The following SLC25A31 variants were observed in gnomAD, a reference collection of about 807,000 sequenced individuals.
SLC25A31 encodes the protein ADP/ATP translocase 4.
A neutral mutation model predicts 36.2 loss-of-function variants in SLC25A31; 40 were observed. The ratio of observed to expected loss-of-function variants is 1.10; its 90% CI spans 0.86 to 1.44. The LOEUF is 1.44. Ranked by LOEUF, SLC25A31 falls within the 40% of genes most tolerant of loss-of-function variation. SLC25A31 has a pLI of 0.00. For missense variants in SLC25A31, 350 were observed against 397.1 expected (o/e 0.88, Z 1.01); for synonymous variants, 143 against 149.7 (o/e 0.96, Z 0.32).
chr4:127,759,012 G>T (rs1053876272), intron 2 of SLC25A31, among the ~76,000 whole-genome samples: 1 of 152,136 alleles, frequency 6.6e-6, no homozygotes, highest in Non-Finnish European at 1.5e-5. Context: ...TTTGACAACT[G>T]ATGTTGGTAA....
chr4:127,754,231 A>G (rs776493561), intron 2 of SLC25A31, among the ~76,000 whole-genome samples: 93 of 152,240 alleles, frequency 6.1e-4, no homozygotes, highest in Middle Eastern at 6.8e-3. Context: ...TTTCTCTAAG[A>G]TCACAAACCA....
intron 4 of SLC25A31, among the ~76,000 whole-genome samples, chr4:127,768,218 G>A (rs1188217640): frequency 6.6e-6 from 1 of 151,848 alleles, no homozygotes; most frequent in Non-Finnish European, 1.5e-5. Context: ...TTGTTGTCTG[G>A]ACAGATCAGT....
chr4:127,743,391 T>G (rs1183935754), intron 1 of SLC25A31, among the ~76,000 whole-genome samples: 2 of 152,172 alleles, frequency 1.3e-5, no homozygotes, highest in African/African-American at 4.8e-5. Flanking sequence ...CCAATTTGGC[T>G]TCCCAAAGTG....
At chr4:127,732,837 T>C (rs962610294) in intron 1 of SLC25A31, among the ~76,000 whole-genome samples, 1 of 152,166 alleles carries the variant, frequency 6.6e-6, no homozygotes, top group Non-Finnish European at 1.5e-5. Flanking sequence ...CTAGAGGCAA[T>C]TTCGGAAACT....
chr4:127,762,290 C>A (rs569225627), intron 2 of SLC25A31, among the ~76,000 whole-genome samples: 1 of 152,102 alleles, frequency 6.6e-6, no homozygotes, highest in South Asian at 2.1e-4. Context: ...CATGGATGAA[C>A]CTTGAAAACA....
chr4:127,758,739 ATTGT>A (rs928904518), intron 2 of SLC25A31, among the ~76,000 whole-genome samples: 5 of 151,800 alleles, frequency 3.3e-5, no homozygotes, highest in African/African-American at 1.2e-4. Flanking sequence ...TCCTTTTCTT[ATTGT>A]TTATTATTGT....
intron 5 of SLC25A31, among the ~76,000 whole-genome samples, chr4:127,769,615 A>G (rs1732312488): frequency 6.6e-6 from 1 of 152,234 alleles, no homozygotes; most frequent in African/African-American, 2.4e-5. Context: ...TGCATGCTTC[A>G]TCTATGCTAA....
chr4:127,769,666 A>T (rs1422220052), intron 5 of SLC25A31, among the ~76,000 whole-genome samples: 1 of 152,214 alleles, frequency 6.6e-6, no homozygotes, highest in Non-Finnish European at 1.5e-5. Flanking sequence ...ACCCAAATTC[A>T]TAGTCTAATA....
intron 2 of SLC25A31, among the ~76,000 whole-genome samples, chr4:127,763,285 A>G (rs1404996555): frequency 6.6e-6 from 1 of 152,190 alleles, no homozygotes; most frequent in African/African-American, 2.4e-5. Context: ...AGCAATAACT[A>G]TTTTTTTGTT....
chr4:127,756,611 T>C (rs113297509), intron 2 of SLC25A31, among the ~76,000 whole-genome samples: 1,778 of 152,290 alleles, frequency 0.012, 44 homozygotes, highest in African/African-American at 0.041. Flanking sequence ...TTTAAGTATG[T>C]GATATATATG....
In SLC25A31 at chr4:127,773,615, A is replaced by C. The variant is rs565828027; in HGVS notation, c.*41A>C. The C allele has an allele frequency of 6.9e-7, 1 of 1,450,730 alleles. No individual in the cohort carries two copies. The highest frequency in any genetic ancestry group is 9.2e-7 in the Non-Finnish European group (1 of 1,087,284). 89.9% of individuals were successfully genotyped at this position (1,450,730 alleles called of 1,614,324 possible). Reference sequence around the variant, plus strand: ...AAGAAATACATGGATTTAACTTGTTAAACATACAAATTACATAGCTGCCAT... The same window carrying C: ...AAGAAATACATGGATTTAACTTGTTCAACATACAAATTACATAGCTGCCAT... On this transcript the variant is annotated 3_prime_UTR_variant, in exon 6 of 6. Transcript: ENST00000281154.
At chr4:127,756,434 G>A (rs72616947) in intron 2 of SLC25A31, among the ~76,000 whole-genome samples, 4,659 of 152,208 alleles carry the variant, frequency 0.031, 297 homozygotes, top group East Asian at 0.26. Flanking sequence ...TCGATGGAGC[G>A]TGGGGGGATG....
chr4:127,740,349 G>A (rs537828608), intron 1 of SLC25A31, among the ~76,000 whole-genome samples: 1 of 152,148 alleles, frequency 6.6e-6, no homozygotes, highest in Non-Finnish European at 1.5e-5. Context: ...TATAACCCTT[G>A]GGGGTGTAAC....
chr4:127,731,431 G>C (rs192412271), intron 1 of SLC25A31, among the ~76,000 whole-genome samples: 4 of 152,052 alleles, frequency 2.6e-5, no homozygotes, highest in East Asian at 3.9e-4. Context: ...GGCCAGGCGC[G>C]GTGGCTCACG....
intron 1 of SLC25A31, among the ~76,000 whole-genome samples, chr4:127,741,361 C>T (rs1731728682): frequency 6.6e-6 from 1 of 152,182 alleles, no homozygotes; most frequent in Admixed American, 6.5e-5. Flanking sequence ...GAGCTTGTCA[C>T]ATATGGCCTT....
intron 2 of SLC25A31, among the ~76,000 whole-genome samples, chr4:127,762,391 G>A (rs1732157553): frequency 6.6e-6 from 1 of 152,054 alleles, no homozygotes; most frequent in African/African-American, 2.4e-5. Context: ...TATAGAGACA[G>A]AAAGTAGTTT....
chr4:127,749,086 A>C (rs546435262), intron 2 of SLC25A31, among the ~76,000 whole-genome samples: 136 of 152,190 alleles, frequency 8.9e-4, no homozygotes, highest in Admixed American at 2.2e-3. Flanking sequence ...TAAAAAAAAA[A>C]AACAGAACAA....
At position 127,768,839 on chromosome 4, in the gene SLC25A31, T is replaced by G. The variant is rs557204804; in HGVS notation, c.721T>G (p.Tyr241Asp). The G allele has an allele frequency of 1.5e-5, 24 of 1,607,730 alleles. 2 individuals carry two copies. In the South Asian group the frequency reaches 2.6e-4, roughly 17 times the overall value. Residue 241 changes from tyrosine to aspartate, a missense_variant, in exon 5 of 6, where the codon TAT (tyrosine) becomes GAT (aspartate). Coordinates refer to ENST00000281154, the MANE Select transcript of SLC25A31 (RefSeq NM_031291.4). ...VVTTCSGILS[Y>D]PFDTVRRRMM... ...GACTACATGCTCTGGAATACTTTCTTATCCCTTTGACACAGTTAGAAGACG... is the reference window on the plus strand; with the variant it reads ...GACTACATGCTCTGGAATACTTTCTGATCCCTTTGACACAGTTAGAAGACG...
intron 2 of SLC25A31, among the ~76,000 whole-genome samples, chr4:127,760,099 C>A: frequency 6.6e-6 from 1 of 152,182 alleles, no homozygotes; most frequent in East Asian, 1.9e-4. Flanking sequence ...AAACACACAA[C>A]TGAGTCATGT....
Sources: allele counts gnomAD v4.1 joint callset (sites outside exome capture counted in the v4.1 genomes callset), GRCh38; gene constraint gnomAD v4.1.1; transcripts MANE v1.5; gene names NCBI Gene and HGNC (gene_info 2026-07-23, HGNC 2026-07-21).